The following STRN3 variants were observed in gnomAD, a reference collection of about 807,000 sequenced individuals.
The protein encoded by STRN3 is striatin-3.
In STRN3, 29 loss-of-function variants were observed where a neutral mutation model predicts 95.6. That is an observed-to-expected ratio of 0.30 (90% CI 0.23 to 0.41). The LOEUF is 0.41. STRN3 is among the 10% of genes least tolerant of loss of function. The pLI is 1.00. For synonymous variants in STRN3, 331 were observed against 357.6 expected, an observed-to-expected ratio of 0.93 and a Z score of 0.84; for missense variants, 890 against 972.1, an observed-to-expected ratio of 0.92 and a Z score of 1.12.
At chr14:31,007,704 A>C (rs1882781302) in intron 1 of STRN3, among the ~76,000 whole-genome samples, 1 of 151,988 alleles carries the variant, frequency 6.6e-6, no homozygotes, top group Non-Finnish European at 1.5e-5. Flanking sequence ...GGAGTTCAAG[A>C]CCATCCTAGG....
intron 1 of STRN3, among the ~76,000 whole-genome samples, chr14:31,009,750 A>G (rs144998254): frequency 1.3e-3 from 204 of 152,254 alleles, no homozygotes; most frequent in African/African-American, 4.6e-3. Flanking sequence ...ATTTAAATAC[A>G]TCATAAAATA....
chr14:30,910,167 A>C (rs1317151154), intron 13 of STRN3, among the ~76,000 whole-genome samples: 5 of 152,178 alleles, frequency 3.3e-5, no homozygotes, highest in Non-Finnish European at 7.3e-5. Flanking sequence ...GTTTCCTCTT[A>C]TCCTTCAGAT....
chr14:30,998,127 C>T (rs1045388593), intron 1 of STRN3, among the ~76,000 whole-genome samples: 12 of 152,128 alleles, frequency 7.9e-5, no homozygotes, highest in Non-Finnish European at 1.6e-4. Flanking sequence ...CGTTGGAGCC[C>T]CTTCAAAGTC....
At chr14:30,952,124 C>CAAA (rs71112359) in intron 3 of STRN3, among the ~76,000 whole-genome samples, 1 of 149,950 alleles carries the variant, frequency 6.7e-6, no homozygotes, top group African/African-American at 2.5e-5. Flanking sequence ...TCTTAAACAA[C>CAAA]AAAAAAAAAG....
At chr14:31,005,242 G>A (rs910581199) in intron 1 of STRN3, among the ~76,000 whole-genome samples, 2 of 152,170 alleles carry the variant, frequency 1.3e-5, no homozygotes, top group South Asian at 2.1e-4. Context: ...TGAAGCAGAA[G>A]AGTCACTTGA....
At chr14:30,951,049 T>C (rs902172349) in intron 3 of STRN3, 105 bp from the exon 4 acceptor site, 5 of 940,372 alleles carry the variant, frequency 5.3e-6, no homozygotes, top group African/African-American at 3.3e-5. Context: ...ACCTATTTTA[T>C]AAAGGACAGG....
At chr14:30,947,542 T>TAC (rs200186384) in intron 4 of STRN3, among the ~76,000 whole-genome samples, 19 of 151,678 alleles carry the variant, frequency 1.3e-4, no homozygotes, top group Admixed American at 2.6e-4. Context: ...TAGGATTATA[T>TAC]ACACACACAC....
At chr14:31,009,166 T>C (rs1174779083) in intron 1 of STRN3, among the ~76,000 whole-genome samples, 1 of 152,120 alleles carries the variant, frequency 6.6e-6, no homozygotes, top group Non-Finnish European at 1.5e-5. Flanking sequence ...TATCGATATA[T>C]ACATCCCAAC....
chr14:30,970,549 C>G (rs965189221), intron 1 of STRN3, among the ~76,000 whole-genome samples: 7 of 152,166 alleles, frequency 4.6e-5, no homozygotes, highest in Admixed American at 2.6e-4. Flanking sequence ...CAGTTCCCTT[C>G]TTTATGCCAG....
At chr14:30,947,001 C>A (rs878915014) in intron 5 of STRN3, 89 bp downstream of exon 5, 299 of 666,744 alleles carry the variant, frequency 4.5e-4, no homozygotes, top group Non-Finnish European at 5.4e-4. Flanking sequence ...AAAAAAAGTT[C>A]TTAATGGCAG....
In STRN3 at chr14:31,025,664, G is replaced by A. The variant is rs1883806877; in HGVS notation, c.282+240C>T. ...CAGACGCCATACTAAAAGCCAAAAT[G>A]GCTGCCCCGAGGAGGCCCGCACCGC... is the stretch of plus-strand genomic sequence containing the variant. On this transcript the variant is annotated intron_variant, in intron 1 of 17. Coordinates refer to ENST00000357479, the MANE Select transcript of STRN3 (RefSeq NM_001083893.2). 8 of 613,076 alleles carry A rather than the reference G, an allele frequency of 1.3e-5. No homozygotes were observed. In the Admixed American group the frequency reaches 2.3e-4, roughly 18 times the overall value. 38.0% of individuals were successfully genotyped at this position (613,076 alleles called of 1,614,324 possible). A position where few individuals can be genotyped will look rare whatever the true frequency, so the allele number is the denominator to read the frequency against.
Position 30,907,947 on chromosome 14 carries a change from T to C in STRN3, c.1721-903A>G, listed in dbSNP as rs369231432. ...CACAGCTCCCAACCTCTCTTCCTCA[T>C]GAATGACTATGCCTCATATTTCACT... On this transcript the variant is annotated intron_variant, in intron 13 of 17. Coordinates refer to ENST00000357479, the MANE Select transcript of STRN3 (RefSeq NM_001083893.2). Among the ~76,000 whole-genome samples the C allele has an allele frequency of 4.6e-5, 7 of 152,298 alleles. No homozygotes were observed. In the South Asian group the frequency reaches 8.3e-4, roughly 18 times the overall value.
intron 1 of STRN3, among the ~76,000 whole-genome samples, chr14:30,978,071 C>G (rs2139216546): frequency 6.6e-6 from 1 of 152,194 alleles, no homozygotes; most frequent in East Asian, 1.9e-4. Flanking sequence ...AGGGTGAATT[C>G]TACTAAACAT....
rs558367576 is a variant in STRN3, at chr14:31,022,604, T to C, written c.282+3300A>G. On this transcript the variant is annotated intron_variant, in intron 1 of 17. Coordinates refer to ENST00000357479, the MANE Select transcript of STRN3 (RefSeq NM_001083893.2). Reference sequence around the variant, plus strand: ...AAAACTTTATTGAAATGTACTCAAGTGGTGTGGGCCACGCAATACTAGATG... The same window carrying C: ...AAAACTTTATTGAAATGTACTCAAGCGGTGTGGGCCACGCAATACTAGATG... 2.2e-4 allele frequency among the ~76,000 whole-genome samples: 33 copies of C among 151,302 alleles called. 1 individual carries two copies. The South Asian group carries it at 6.3e-3, about 29-fold the overall frequency.
chr14:30,910,357 C>A (rs942859798), intron 13 of STRN3, among the ~76,000 whole-genome samples: 16 of 152,188 alleles, frequency 1.1e-4, no homozygotes, highest in African/African-American at 3.9e-4. Context: ...TAGTCTAAAT[C>A]TTATTTCTTG....
In STRN3 at chr14:30,906,905, T is replaced by C. The variant is rs1428512576; in HGVS notation, c.1860A>G (p.Pro620=). 4 of 1,612,630 alleles carry C rather than the reference T, an allele frequency of 2.5e-6. No homozygotes were observed. The highest frequency in any genetic ancestry group is 2.7e-5 in the African/African-American group (2 of 74,860). Residue 620 remains proline, a synonymous_variant, in exon 14 of 18, where the codon CCA becomes CCG. Coordinates refer to ENST00000357479, the MANE Select transcript of STRN3 (RefSeq NM_001083893.2). ...VRLWNPQEKL[P]CICTYNGDKK... is the part of the protein sequence containing the mutation. ...TATCTCCATTGTAAGTGCAAATACA[T>C]GGCAATTTTTCTTGTGGATTCCATA...
At chr14:31,005,901 T>G (rs1156865945) in intron 1 of STRN3, among the ~76,000 whole-genome samples, 1 of 151,966 alleles carries the variant, frequency 6.6e-6, no homozygotes, top group East Asian at 1.9e-4. Flanking sequence ...GTGGATCACT[T>G]GAGCTCAGGA....
chr14:30,931,786 G>A lies in STRN3; in HGVS notation c.989-2475C>T, dbSNP rs569708384. Among the ~76,000 whole-genome samples the A allele has an allele frequency of 3.3e-4, 50 of 152,292 alleles. No individual in the cohort carries two copies. The South Asian group carries it at 7.7e-3, about 23-fold the overall frequency. On this transcript the variant is annotated intron_variant, in intron 7 of 17. Coordinates refer to ENST00000357479, the MANE Select transcript of STRN3 (RefSeq NM_001083893.2). ...TAACACAGATGACAGTGAAAACAGC[G>A]TTAGAAAGCTTGCCAAAAGGCAGTG...
At chr14:30,986,618 A>G (rs1289610954) in intron 1 of STRN3, among the ~76,000 whole-genome samples, 1 of 152,218 alleles carries the variant, frequency 6.6e-6, no homozygotes, top group Non-Finnish European at 1.5e-5. Flanking sequence ...ATTTTATCCT[A>G]CTATAGTGCT....
Sources: allele counts gnomAD v4.1 joint callset (sites outside exome capture counted in the v4.1 genomes callset), GRCh38; gene constraint gnomAD v4.1.1; transcripts MANE v1.5; gene names NCBI Gene and HGNC (gene_info 2026-07-23, HGNC 2026-07-21).